Variants in NCOA7 observed in about 807,000 individuals in gnomAD.
NCOA7 encodes the protein nuclear receptor coactivator 7, also known as 140 kDa estrogen receptor-associated protein.
In NCOA7, 45 loss-of-function variants were observed where a neutral mutation model predicts 104.3. That is an observed-to-expected ratio of 0.43 (90% CI 0.34 to 0.55). The LOEUF (loss-of-function observed/expected upper bound fraction) is 0.55. Among genes scored for constraint, NCOA7 ranks in the 20% least tolerant of loss-of-function variants. NCOA7 has a pLI of 0.02. For synonymous variants in NCOA7, 398 were observed against 402.3 expected (o/e 0.99, Z 0.13); for missense variants, 1,041 against 1,119.7 (o/e 0.93, Z 1.00).
chr6:125,848,102 AC>A (rs200395048), intron 2 of NCOA7, among the ~76,000 whole-genome samples: 3,609 of 152,330 alleles, frequency 0.024, 145 homozygotes, highest in African/African-American at 0.08. Context: ...ACAATGAGAT[AC>A]CATCTTACGC....
chr6:125,823,165 C>T (rs1562834473), intron 2 of NCOA7, among the ~76,000 whole-genome samples: 1 of 152,110 alleles, frequency 6.6e-6, no homozygotes, highest in African/African-American at 2.4e-5. Flanking sequence ...ATTGGTTTTA[C>T]AGTCAATCCC....
At chr6:125,842,653 G>T (rs1780276794) in intron 2 of NCOA7, among the ~76,000 whole-genome samples, 1 of 152,140 alleles carries the variant, frequency 6.6e-6, no homozygotes, top group South Asian at 2.1e-4. Flanking sequence ...TATAAACAAT[G>T]ATGAACTGAT....
At chr6:125,868,993 A>G (rs1419743317) in intron 3 of NCOA7, among the ~76,000 whole-genome samples, 1 of 152,138 alleles carries the variant, frequency 6.6e-6, no homozygotes, top group African/African-American at 2.4e-5. Flanking sequence ...TAATTTAAAA[A>G]CCTGATAATT....
At chr6:125,912,210 T>C (rs1786632307) in intron 10 of NCOA7, among the ~76,000 whole-genome samples, 1 of 152,134 alleles carries the variant, frequency 6.6e-6, no homozygotes, top group African/African-American at 2.4e-5. Context: ...GATTGTCACC[T>C]GGAGAGACAC....
At chr6:125,916,373 C>T (rs917771132) in intron 11 of NCOA7, among the ~76,000 whole-genome samples, 5 of 152,158 alleles carry the variant, frequency 3.3e-5, no homozygotes, top group Admixed American at 2.0e-4. Context: ...AGTGTGAAAA[C>T]GGACTAATAC....
chr6:125,792,681 A>G (rs1774967347), intron 1 of NCOA7, among the ~76,000 whole-genome samples: 1 of 152,218 alleles, frequency 6.6e-6, no homozygotes, highest in Admixed American at 6.5e-5. Context: ...TCCTCGGTAT[A>G]GAAACACATC....
At position 125,889,087 on chromosome 6, in the gene NCOA7, T is replaced by G; in HGVS notation, c.1033T>G (p.Ser345Ala). 1 of 1,614,104 alleles carries G rather than the reference T, an allele frequency of 6.2e-7. No individual in the cohort carries two copies. The highest frequency in any genetic ancestry group is 1.1e-5 in the South Asian group (1 of 91,088). ...QNGEKIMTSD[S>A]RPIVPLEKST... ...TGGAGAGAAAATTATGACTTCGGAT[T>G]CCAGACCAATAGTACCTTTGGAGAA... The change falls in exon 9 of 16, where the codon TCC (serine) becomes GCC (alanine). Residue 345 changes from serine (S) to alanine (A), a missense_variant. Around this residue, in one of 2 missense-constraint regions of NCOA7, gnomAD observed 914 missense variants for 942.7 expected, o/e 0.97. Coordinates refer to ENST00000392477, the MANE Select transcript of NCOA7 (RefSeq NM_181782.5).
At chr6:125,894,181 G>T (rs962096989) in intron 10 of NCOA7, among the ~76,000 whole-genome samples, 1 of 152,018 alleles carries the variant, frequency 6.6e-6, no homozygotes, top group Non-Finnish European at 1.5e-5. Flanking sequence ...GTGGGTGGGG[G>T]TGAATTGTAT....
intron 11 of NCOA7, chr6:125,919,426 G>T (rs768149756): frequency 5.6e-5 from 90 of 1,612,550 alleles, no homozygotes; most frequent in Non-Finnish European, 7.5e-5. Context: ...AGAGCCTTTT[G>T]TGAAGGTATG....
chr6:125,855,865 A>G (rs1781509116), intron 3 of NCOA7, among the ~76,000 whole-genome samples: 1 of 152,068 alleles, frequency 6.6e-6, no homozygotes, highest in African/African-American at 2.4e-5. Flanking sequence ...TTGTACTTTT[A>G]GTAGAGACGG....
intron 1 of NCOA7, among the ~76,000 whole-genome samples, chr6:125,807,977 C>A (rs1776613343): frequency 6.6e-6 from 1 of 152,218 alleles, no homozygotes; most frequent in Admixed American, 6.5e-5. Flanking sequence ...CAAGAGAAAT[C>A]TATCAAATGC....
chr6:125,912,380 A>G (rs1786652714), intron 10 of NCOA7, among the ~76,000 whole-genome samples: 1 of 152,216 alleles, frequency 6.6e-6, no homozygotes. Flanking sequence ...CTGCGTGGGC[A>G]TGGAGGACTA....
upstream of NCOA7, chr6:125,790,865 G>A (rs1456038878): frequency 6.6e-6 from 1 of 152,598 alleles, no homozygotes; most frequent in African/African-American, 2.4e-5. Flanking sequence ...CGATCCGGAC[G>A]CGGGGCCCCG....
intron 3 of NCOA7, among the ~76,000 whole-genome samples, chr6:125,857,677 C>T (rs1781689986): frequency 6.6e-6 from 1 of 152,088 alleles, no homozygotes; most frequent in Non-Finnish European, 1.5e-5. Flanking sequence ...TCTCCTGCCT[C>T]AGCCTCTCGA....
chr6:125,832,931 C>G (rs934722717), intron 2 of NCOA7, among the ~76,000 whole-genome samples: 1 of 152,200 alleles, frequency 6.6e-6, no homozygotes, highest in Non-Finnish European at 1.5e-5. Context: ...GTCTCCAGAC[C>G]TCCTTTCTCC....
At chr6:125,788,698 A>ATTTTTTTTTTTTTTTTTTTTTTTTTTT (rs60048395), upstream of NCOA7, among the ~76,000 whole-genome samples, 5 of 121,914 alleles carry the variant, frequency 4.1e-5, no homozygotes, top group Admixed American at 9.0e-5. Flanking sequence ...CACCCAGCTA[A>ATTTTTTTTTTTTTTTTTTTTTTTTTTT]TTTTTTTTTT....
At chr6:125,914,399 G>C (rs1054576579) in intron 10 of NCOA7, among the ~76,000 whole-genome samples, 27 of 152,260 alleles carry the variant, frequency 1.8e-4, no homozygotes, top group Admixed American at 3.3e-4. Context: ...AGAACAGATA[G>C]GAATGTAGAA....
At chr6:125,845,605 C>G (rs976940801) in intron 2 of NCOA7, among the ~76,000 whole-genome samples, 1 of 152,104 alleles carries the variant, frequency 6.6e-6, no homozygotes, top group Non-Finnish European at 1.5e-5. Context: ...GAAACCCCAT[C>G]TCTACTAAAA....
At chr6:125,919,534 CT>C (rs1787387294) in intron 11 of NCOA7, 1 of 1,135,318 alleles carries the variant, frequency 8.8e-7, no homozygotes, top group Admixed American at 2.1e-5. Flanking sequence ...AAGGATTGTG[CT>C]GACATTTCTA....
Sources: allele counts gnomAD v4.1 joint callset (sites outside exome capture counted in the v4.1 genomes callset), GRCh38; gene constraint gnomAD v4.1.1; regional missense constraint gnomAD v4.1.1; transcripts MANE v1.5; gene names NCBI Gene and HGNC (gene_info 2026-07-23, HGNC 2026-07-21).